The following ASXL1 variants were observed in gnomAD, a reference collection of about 807,000 sequenced individuals.
The protein encoded by ASXL1 is polycomb group protein ASXL1.
Under a neutral mutation model 89.1 loss-of-function variants are expected in ASXL1, and 65 were observed. That is an observed-to-expected ratio of 0.73 (90% CI 0.60 to 0.90). The LOEUF is 0.90. ASXL1 is among the 40% of genes least tolerant of loss of function. The pLI is 0.00. For synonymous variants in ASXL1, 739 were observed against 746.9 expected (o/e 0.99, Z 0.17); for missense variants, 1,786 against 1,942.9 (o/e 0.92, Z 1.52).
intron 4 of ASXL1, among the ~76,000 whole-genome samples, chr20:32,402,978 C>T (rs1158223153): frequency 6.6e-6 from 1 of 152,034 alleles, no homozygotes; most frequent in East Asian, 1.9e-4. Flanking sequence ...GGTGTCATAT[C>T]TAAGCACTCT....
intron 4 of ASXL1, among the ~76,000 whole-genome samples, chr20:32,387,135 T>TA (rs1233525908): frequency 6.6e-6 from 1 of 151,312 alleles, no homozygotes; most frequent in Non-Finnish European, 1.5e-5. Flanking sequence ...CCCCTTCTAC[T>TA]AAAAAAACAA....
chr20:32,410,957 T>G (rs1210750108), intron 4 of ASXL1, among the ~76,000 whole-genome samples: 1 of 143,730 alleles, frequency 7.0e-6, no homozygotes, highest in Admixed American at 7.5e-5. Flanking sequence ...GCTTGAACCC[T>G]GGAGATGGAG....
At position 32,359,906 on chromosome 20, in the gene ASXL1, A is replaced by T. The variant is rs1289140985; in HGVS notation, c.57+1074A>T. 45 of 710,854 alleles carry T rather than the reference A, an allele frequency of 6.3e-5. No homozygotes were observed. In the African/African-American group the frequency reaches 7.9e-4, roughly 12 times the overall value. The allele number at this position is 710,854 out of a possible 1,614,324, so 44.0% of individuals were successfully genotyped here. Reference sequence around the variant, plus strand: ...GGTTATACTAAGATGTCAGTTCCTAAGATCTGTCACACAGCGAGGTTGTGG... The same window carrying T: ...GGTTATACTAAGATGTCAGTTCCTATGATCTGTCACACAGCGAGGTTGTGG... On this transcript the variant is annotated intron_variant, in intron 1 of 12. Coordinates refer to ENST00000375687, the MANE Select transcript of ASXL1 (RefSeq NM_015338.6).
intron 4 of ASXL1, among the ~76,000 whole-genome samples, chr20:32,376,336 G>A (rs899873552): frequency 6.6e-6 from 1 of 151,870 alleles, no homozygotes; most frequent in Non-Finnish European, 1.5e-5. Context: ...GTGCAGTGGC[G>A]CAATCTCGGC....
chr20:32,391,946 A>G (rs2122994707), intron 4 of ASXL1, among the ~76,000 whole-genome samples: 1 of 148,944 alleles, frequency 6.7e-6, no homozygotes, highest in Middle Eastern at 3.5e-3. Flanking sequence ...CTGTTTCATT[A>G]TATTTGTAGT....
intron 1 of ASXL1, chr20:32,360,091 T>C: frequency 2.4e-6 from 1 of 412,622 alleles, no homozygotes; most frequent in Non-Finnish European, 4.4e-6. Flanking sequence ...TAGACTGTAT[T>C]GGGGGGGTTG....
intron 4 of ASXL1, among the ~76,000 whole-genome samples, chr20:32,398,603 G>GTTTTTTTTTTTTTGT (rs375341392): frequency 1.6e-5 from 2 of 126,456 alleles, no homozygotes; most frequent in African/African-American, 3.2e-5. Flanking sequence ...TTTTTTGTTT[G>GTTTTTTTTTTTTTGT]TTTTTTTTTT....
chr20:32,403,254 A>G (rs1178264928), intron 4 of ASXL1, among the ~76,000 whole-genome samples: 1 of 152,186 alleles, frequency 6.6e-6, no homozygotes, highest in Non-Finnish European at 1.5e-5. Context: ...TCATTGACCT[A>G]CGCATCTGTT....
At chr20:32,433,133 A>T (rs1294401292) in intron 11 of ASXL1, 148 bp downstream of exon 11, 4 of 1,528,394 alleles carry the variant, frequency 2.6e-6, no homozygotes, top group African/African-American at 1.4e-5. Context: ...ATTCATAGTG[A>T]AGCTAACAGA....
chr20:32,438,523 C>T lies in ASXL1; in HGVS notation c.*1185C>T, dbSNP rs886056609. ...ATGCCCTGTTGGGTCACCGGCTGGA[C>T]CTGCTGCAGCCTGCAGAGCCACAGT... On this transcript the variant is annotated 3_prime_UTR_variant, in exon 13 of 13. Coordinates refer to ENST00000375687, the MANE Select transcript of ASXL1 (RefSeq NM_015338.6). The T allele has an allele frequency of 2.6e-4, 60 of 233,518 alleles. No homozygotes were observed. The highest frequency in any genetic ancestry group is 5.1e-5 in the Non-Finnish European group (6 of 118,068). 14.5% of individuals were successfully genotyped at this position (233,518 alleles called of 1,614,324 possible). A position where few individuals can be genotyped will look rare whatever the true frequency, so the allele number is the denominator to read the frequency against.
intron 4 of ASXL1, among the ~76,000 whole-genome samples, chr20:32,396,410 T>C (rs773128973): frequency 6.6e-6 from 1 of 152,228 alleles, no homozygotes. Context: ...TTTTGAGGCT[T>C]GCTTTTTAGC....
At chr20:32,378,158 T>TTGTGTGTGTGTGTGTGTGTGTGTGTGTG (rs142792019) in intron 4 of ASXL1, among the ~76,000 whole-genome samples, 5 of 130,316 alleles carry the variant, frequency 3.8e-5, no homozygotes, top group Middle Eastern at 3.8e-3. Flanking sequence ...GCTGAGTAAT[T>TTGTGTGTGTGTGTGTGTGTGTGTGTGTG]TGTGTGTGTG....
At chr20:32,368,933 T>A in intron 3 of ASXL1, 82 bp from the exon 4 acceptor site, 2 of 1,170,000 alleles carry the variant, frequency 1.7e-6, no homozygotes, top group South Asian at 2.9e-5. Context: ...TTCTTCTCAT[T>A]TAAGAATGAG....
chr20:32,396,478 CAT>C (rs2048763798), intron 4 of ASXL1, among the ~76,000 whole-genome samples: 3 of 152,248 alleles, frequency 2.0e-5, no homozygotes, highest in African/African-American at 7.2e-5. Context: ...TACAGATATA[CAT>C]GTTTTCTTAT....
At chr20:32,377,266 G>A (rs1044789151) in intron 4 of ASXL1, among the ~76,000 whole-genome samples, 1 of 147,760 alleles carries the variant, frequency 6.8e-6, no homozygotes. Context: ...GATTACAGGC[G>A]TGAGCCACGT....
At position 32,434,418 on chromosome 20, in the gene ASXL1, T is replaced by G. The variant is rs2011648704; in HGVS notation, c.1720-14T>G. The G allele has an allele frequency of 1.2e-6, 2 of 1,613,664 alleles. No individual in the cohort carries two copies. The highest frequency in any genetic ancestry group is 1.7e-6 in the Non-Finnish European group (2 of 1,180,014). On this transcript the variant is annotated splice_polypyrimidine_tract_variant and intron_variant, in intron 12 of 12. Coordinates refer to ENST00000375687, the MANE Select transcript of ASXL1 (RefSeq NM_015338.6). ...CCAGTCAGTTAAAACTATTTTCTAA[T>G]TCTTTTTTTGCAGATTCAACTTTCA...
At chr20:32,383,823 A>G (rs1327129946) in intron 4 of ASXL1, among the ~76,000 whole-genome samples, 1 of 152,196 alleles carries the variant, frequency 6.6e-6, no homozygotes, top group Non-Finnish European at 1.5e-5. Flanking sequence ...ATATAAGTGG[A>G]TGACTCTGAA....
intron 4 of ASXL1, among the ~76,000 whole-genome samples, chr20:32,399,745 C>CTATTTTTTT (rs1600525633): frequency 1.2e-4 from 8 of 66,610 alleles, no homozygotes; most frequent in Non-Finnish European, 2.1e-4. Context: ...ACATATTTTA[C>CTATTTTTTT]TCTTTTTTTT....
At chr20:32,422,808 A>G (rs1361630324) in intron 4 of ASXL1, among the ~76,000 whole-genome samples, 2 of 151,766 alleles carry the variant, frequency 1.3e-5, no homozygotes, top group African/African-American at 4.8e-5. Flanking sequence ...GCTGGTCTCG[A>G]ACTCCTGACC....
Sources: gnomAD v4.1 joint callset for allele counts (sites outside exome capture counted in the v4.1 genomes callset) on GRCh38, gnomAD v4.1.1 for gene constraint, MANE v1.5 for transcripts, NCBI Gene and HGNC (gene_info 2026-07-23, HGNC 2026-07-21) for gene names.